Variants in ACAA2 observed in about 807,000 individuals in gnomAD.
ACAA2 encodes 3-ketoacyl-CoA thiolase, mitochondrial.
Under a neutral mutation model 44.8 loss-of-function variants are expected in ACAA2, and 35 were observed. That is an observed-to-expected ratio of 0.78 (90% confidence interval 0.60 to 1.04). The LOEUF (loss-of-function observed/expected upper bound fraction) is 1.04, where lower values mean the gene tolerates loss of function less well. Among genes scored for constraint, ACAA2 ranks in the 50% least tolerant of loss-of-function variants. The pLI, the probability that ACAA2 is intolerant of heterozygous loss-of-function variation, is 0.00. For synonymous variants in ACAA2, 142 were observed against 166.5 expected (o/e 0.85, Z 1.13); for missense variants, 468 against 482.6 (o/e 0.97, Z 0.28).
At chr18:49,809,670 G>C (rs1251998678) in intron 1 of ACAA2, among the ~76,000 whole-genome samples, 1 of 152,230 alleles carries the variant, frequency 6.6e-6, no homozygotes, top group African/African-American at 2.4e-5. Flanking sequence ...ATCTGGAAAA[G>C]GCAAAGCTAT....
In ACAA2 at chr18:49,794,211, T is replaced by C. The variant is rs2023438547; in HGVS notation, c.577+69A>G. 2.5e-6 allele frequency: 3 copies of C among 1,178,390 alleles called. No homozygotes were observed. The Admixed American group carries it at 8.3e-5, about 33-fold the overall frequency. The allele number at this position is 1,178,390 out of a possible 1,614,324, so 73.0% of individuals were successfully genotyped here. A position where few individuals can be genotyped will look rare whatever the true frequency, so the allele number is the denominator to read the frequency against. The stretch of plus-strand genomic sequence containing the variant: ...ATTTGTAAATATTATATAACCATAA[T>C]AGAAATGATGAAAATATTTCCTATA... On this transcript the variant is annotated intron_variant, in intron 5 of 9. Coordinates refer to ENST00000285093, the MANE Select transcript of ACAA2 (RefSeq NM_006111.3).
intron 1 of ACAA2, among the ~76,000 whole-genome samples, chr18:49,808,812 A>G (rs2023637357): frequency 6.6e-6 from 1 of 152,216 alleles, no homozygotes; most frequent in Non-Finnish European, 1.5e-5. Flanking sequence ...ATAAGGGCCT[A>G]TGTTCAGCTG....
chr18:49,801,262 C>G (rs905464889), intron 2 of ACAA2, among the ~76,000 whole-genome samples: 20 of 152,184 alleles, frequency 1.3e-4, no homozygotes, highest in African/African-American at 4.1e-4. Context: ...CAAGAAAACT[C>G]TATCTTGGCC....
intron 7 of ACAA2, 142 bp from the exon 8 acceptor site, chr18:49,787,503 T>A: frequency 1.7e-6 from 1 of 585,920 alleles, no homozygotes; most frequent in Non-Finnish European, 2.7e-6. Flanking sequence ...ACCTTGACCG[T>A]ACCTATTAAA....
chr18:49,813,425 C>G (rs1471607474), intron 1 of ACAA2, 44 bp downstream of exon 1: 1 of 1,230,932 alleles, frequency 8.1e-7, no homozygotes, highest in East Asian at 3.2e-5. Context: ...CTGGGGAGGG[C>G]AGGACCCCGA....
At chr18:49,802,973 A>G (rs2023572592) in intron 1 of ACAA2, 120 bp from the exon 2 acceptor site, 1 of 1,151,596 alleles carries the variant, frequency 8.7e-7, no homozygotes, top group African/African-American at 1.5e-5. Flanking sequence ...AATTTCTGTT[A>G]GGCAATAATA....
chr18:49,783,037 A>C lies in ACAA2; in HGVS notation c.*810T>G, dbSNP rs1036107494. ...TGGGGGCATTTTAAAGGGAGAAAAT[A>C]AAGGATGAAAGATGGCCTTTAAGCT... On this transcript the variant is annotated 3_prime_UTR_variant, in exon 10 of 10. Transcript: ENST00000285093. 4 of 152,236 alleles carry C rather than the reference A, an allele frequency of 2.6e-5. No individual in the cohort carries two copies. In the East Asian group the frequency reaches 5.8e-4, roughly 22 times the overall value. 9.4% of individuals were successfully genotyped at this position (152,236 alleles called of 1,614,324 possible).
intron 2 of ACAA2, among the ~76,000 whole-genome samples, chr18:49,801,333 A>G (rs1403107071): frequency 1.3e-5 from 2 of 152,218 alleles, no homozygotes; most frequent in Non-Finnish European, 2.9e-5. Context: ...ACACAATGAA[A>G]CTGATACTAT....
intron 5 of ACAA2, among the ~76,000 whole-genome samples, chr18:49,793,033 A>G (rs1410245795): frequency 6.6e-6 from 1 of 152,136 alleles, no homozygotes; most frequent in Non-Finnish European, 1.5e-5. Context: ...TCTGTTTGCT[A>G]TAGATGTAAT....
At chr18:49,797,649 A>G in intron 2 of ACAA2, 55 bp from the exon 3 acceptor site, 1 of 1,423,106 alleles carries the variant, frequency 7.0e-7, no homozygotes, top group South Asian at 1.3e-5. Context: ...ACTAATTAAG[A>G]ACAAGCACGA....
At chr18:49,810,046 A>G (rs1162236992) in intron 1 of ACAA2, among the ~76,000 whole-genome samples, 1 of 152,178 alleles carries the variant, frequency 6.6e-6, no homozygotes, top group African/African-American at 2.4e-5. Flanking sequence ...AAAGTTTGTA[A>G]ATTTTTTCTT....
chr18:49,799,409 G>A (rs1330344034), intron 2 of ACAA2, among the ~76,000 whole-genome samples: 2 of 108,638 alleles, frequency 1.8e-5, no homozygotes, highest in South Asian at 2.4e-4. Context: ...TGGAGACGGG[G>A]TTTCGCTGTG....
chr18:49,797,168 C>CT (rs527674842), intron 3 of ACAA2, among the ~76,000 whole-genome samples: 79 of 152,168 alleles, frequency 5.2e-4, no homozygotes, highest in African/African-American at 1.8e-3. Flanking sequence ...CTTTCTGTCT[C>CT]TATGAATTTG....
Position 49,811,181 on chromosome 18 carries a change from A to G in ACAA2, c.16+2288T>C, listed in dbSNP as rs188675401. Among the ~76,000 whole-genome samples the G allele has an allele frequency of 5.1e-3, 773 of 152,140 alleles. 7 individuals carry two copies. Among genetic ancestry groups the G allele is most frequent in the African/African-American group, 0.017 (717 of 41,488 alleles). ...ATTAACCCAGAGTGTAGTGAGTCCAAGTAGCTCCAAGAAAGGCCCTGGAAA... is the reference window on the plus strand; with the variant it reads ...ATTAACCCAGAGTGTAGTGAGTCCAGGTAGCTCCAAGAAAGGCCCTGGAAA... On this transcript the variant is annotated intron_variant, in intron 1 of 9. Coordinates refer to ENST00000285093, the MANE Select transcript of ACAA2 (RefSeq NM_006111.3).
chr18:49,790,913 T>A (rs765364117), intron 7 of ACAA2, among the ~76,000 whole-genome samples: 1 of 152,224 alleles, frequency 6.6e-6, no homozygotes, highest in Non-Finnish European at 1.5e-5. Flanking sequence ...GAGCACTTGA[T>A]TTCAGAGAGA....
At position 49,783,899 on chromosome 18, in the gene ACAA2, G is replaced by A; in HGVS notation, c.1142C>T (p.Ala381Val). ...AATACCTTGGCCACCTCCAATGCAAGCTGATCCAACGGCATATTTTCCACC... is the reference window on the plus strand; with the variant it reads ...AATACCTTGGCCACCTCCAATGCAAACTGATCCAACGGCATATTTTCCACC... ...RRGGKYAVGS[A>V]CIGGGQGIAV... Residue 381 changes from alanine (A) to valine (V), a missense_variant, in exon 10 of 10, where the codon GCT (alanine) becomes GTT (valine). Transcript: ENST00000285093. 6.2e-7 allele frequency: 1 copy of A among 1,614,032 alleles called. No individual in the cohort carries two copies. Among genetic ancestry groups the A allele is most frequent in the Non-Finnish European group, 8.5e-7 (1 of 1,179,988 alleles).
At chr18:49,789,011 G>GCATATGA (rs2023366658) in intron 7 of ACAA2, among the ~76,000 whole-genome samples, 1 of 152,118 alleles carries the variant, frequency 6.6e-6, no homozygotes, top group Non-Finnish European at 1.5e-5. Context: ...AATTCTTTTT[G>GCATATGA]CATATGATGC....
intron 3 of ACAA2, 127 bp downstream of exon 3, chr18:49,797,339 C>A: frequency 1.4e-6 from 1 of 718,714 alleles, no homozygotes; most frequent in Non-Finnish European, 2.1e-6. Context: ...GTGGTATGAT[C>A]ATGGTTTACT....
intron 2 of ACAA2, among the ~76,000 whole-genome samples, chr18:49,800,905 A>AG (rs1265555750): frequency 2.0e-5 from 3 of 151,760 alleles, no homozygotes; most frequent in Admixed American, 6.6e-5. Context: ...AAAAAAAAAA[A>AG]AAAATCCACA....
Sources: gnomAD v4.1 joint callset for allele counts (sites outside exome capture counted in the v4.1 genomes callset) on GRCh38, gnomAD v4.1.1 for gene constraint, MANE v1.5 for transcripts, NCBI Gene and HGNC (gene_info 2026-07-23, HGNC 2026-07-21) for gene names.